The following ADAMTSL1 variants were observed in gnomAD, a reference collection of about 807,000 sequenced individuals.
ADAMTSL1 encodes the protein ADAMTS-like protein 1.
ADAMTSL1 carries 126 observed loss-of-function variants against 201.8 expected under a neutral mutation model. The ratio of observed to expected loss-of-function variants is 0.62; its 90% CI spans 0.54 to 0.72. ADAMTSL1 has a LOEUF of 0.72. Among genes scored for constraint, ADAMTSL1 ranks in the 30% least tolerant of loss-of-function variants. The pLI is 0.00. For missense variants in ADAMTSL1, 2,679 were observed against 2,277.8 expected (o/e 1.18, Z -3.59); for synonymous variants, 1,121 against 903.4 (o/e 1.24, Z -4.32).
intron 23 of ADAMTSL1, among the ~76,000 whole-genome samples, chr9:18,884,626 T>A (rs1473396633): frequency 6.6e-6 from 1 of 152,198 alleles, no homozygotes; most frequent in Non-Finnish European, 1.5e-5. Flanking sequence ...TGGATATCCA[T>A]TTTCCCAGAA....
intron 2 of ADAMTSL1, among the ~76,000 whole-genome samples, chr9:18,314,998 G>A (rs1050462475): frequency 2.7e-5 from 4 of 150,064 alleles, no homozygotes; most frequent in Non-Finnish European, 4.5e-5. Context: ...GGGTTTCACC[G>A]TGTTAGCCAG....
chr9:18,340,624 G>A (rs758647620), intron 2 of ADAMTSL1, among the ~76,000 whole-genome samples: 2 of 152,122 alleles, frequency 1.3e-5, no homozygotes, highest in Non-Finnish European at 2.9e-5. Flanking sequence ...GAGGGACCAG[G>A]TGGGAGGTAA....
intron 1 of ADAMTSL1, among the ~76,000 whole-genome samples, chr9:18,087,252 C>T (rs985607249): frequency 6.6e-6 from 1 of 152,040 alleles, no homozygotes; most frequent in African/African-American, 2.4e-5. Context: ...TTACTTGCAT[C>T]TCAAAGAGCC....
chr9:18,821,653 G>C (rs1403286015), intron 21 of ADAMTSL1, among the ~76,000 whole-genome samples: 1 of 152,184 alleles, frequency 6.6e-6, no homozygotes, highest in African/African-American at 2.4e-5. Flanking sequence ...CTTCTTTCCA[G>C]ACTGCCTTGG....
At chr9:18,052,518 G>A (rs772205254) in intron 1 of ADAMTSL1, among the ~76,000 whole-genome samples, 20 of 152,136 alleles carry the variant, frequency 1.3e-4, no homozygotes, top group Non-Finnish European at 2.5e-4. Context: ...AAGAGATTTG[G>A]GGCCAGAGAG....
At chr9:17,908,431 A>G (rs565219850) in intron 1 of ADAMTSL1, among the ~76,000 whole-genome samples, 1 of 151,938 alleles carries the variant, frequency 6.6e-6, no homozygotes, top group Admixed American at 6.5e-5. Context: ...TTAAAACCCA[A>G]TGTGCAAAAA....
At chr9:18,063,929 G>A (rs375359311) in intron 1 of ADAMTSL1, among the ~76,000 whole-genome samples, 59 of 152,070 alleles carry the variant, frequency 3.9e-4, no homozygotes, top group Middle Eastern at 6.8e-3. Context: ...TCCAATTTCC[G>A]TGCCGGTTTA....
intron 1 of ADAMTSL1, among the ~76,000 whole-genome samples, chr9:17,989,413 T>C (rs952490305): frequency 1.3e-5 from 2 of 151,988 alleles, no homozygotes; most frequent in African/African-American, 4.8e-5. Flanking sequence ...CATAATTTAA[T>C]TAATCAATAT....
In ADAMTSL1 at chr9:18,050,299, C is replaced by G. The variant is rs1380810126; in HGVS notation, c.88-113563C>G. 2.6e-5 allele frequency among the ~76,000 whole-genome samples: 4 copies of G among 151,958 alleles called. No individual in the cohort carries two copies. In the South Asian group the frequency reaches 6.2e-4, roughly 24 times the overall value. On this transcript the variant is annotated intron_variant, in intron 1 of 29. Coordinates refer to the ADAMTSL1 transcript ENST00000680146. ...TTAAATTTTCTGATAAATGGGTATT[C>G]CTTTCTAAAAGTAAATAGAGACTAA...
chr9:18,416,928 A>G (rs528592877), intron 2 of ADAMTSL1, among the ~76,000 whole-genome samples: 13 of 152,160 alleles, frequency 8.5e-5, no homozygotes, highest in African/African-American at 2.9e-4. Flanking sequence ...CATTTATAGG[A>G]CACTCTGGAC....
chr9:18,473,877 A>T, upstream of ADAMTSL1: 1 of 313,018 alleles, frequency 3.2e-6, no homozygotes, highest in South Asian at 5.4e-5. Context: ...ATCTTTTGCA[A>T]TTCTGCATCT....
intron 2 of ADAMTSL1, among the ~76,000 whole-genome samples, chr9:18,467,005 C>T (rs1453704486): frequency 6.6e-6 from 1 of 152,156 alleles, no homozygotes; most frequent in African/African-American, 2.4e-5. Flanking sequence ...TTTTTCTCTA[C>T]TGTCATCTCT....
chr9:17,911,120 T>C lies in ADAMTSL1; in HGVS notation c.87+4198T>C, dbSNP rs1269874510. On this transcript the variant is annotated intron_variant, in intron 1 of 29. Coordinates refer to the ADAMTSL1 transcript ENST00000680146. ...AATTATTTGGAAATCTAAAGATTTCTTTCTTCTCACTGAATTTCTGCTTTC... is the reference window on the plus strand; with the variant it reads ...AATTATTTGGAAATCTAAAGATTTCCTTCTTCTCACTGAATTTCTGCTTTC... Among the ~76,000 whole-genome samples, 2 of 69,166 alleles carry C rather than the reference T, an allele frequency of 2.9e-5. 1 individual carries two copies. Among genetic ancestry groups the C allele is most frequent in the Non-Finnish European group, 8.9e-5 (2 of 22,554 alleles). 45.4% of individuals were successfully genotyped at this position (69,166 alleles called of 152,430 possible).
At chr9:18,143,842 T>C (rs1163006365) in intron 1 of ADAMTSL1, among the ~76,000 whole-genome samples, 2 of 152,194 alleles carry the variant, frequency 1.3e-5, no homozygotes, top group Admixed American at 1.3e-4. Flanking sequence ...CAAAGCCACA[T>C]TTCCTTCACA....
At chr9:18,038,191 A>T (rs1821284842) in intron 1 of ADAMTSL1, among the ~76,000 whole-genome samples, 1 of 152,140 alleles carries the variant, frequency 6.6e-6, no homozygotes, top group Non-Finnish European at 1.5e-5. Flanking sequence ...CCATCTGCTC[A>T]TGAGACTTGC....
intron 2 of ADAMTSL1, among the ~76,000 whole-genome samples, chr9:18,329,118 G>A (rs1834936688): frequency 6.6e-6 from 1 of 151,976 alleles, no homozygotes; most frequent in Non-Finnish European, 1.5e-5. Context: ...CTCATGAATG[G>A]GATTAGTGCC....
At chr9:18,736,284 G>A (rs1378346982) in intron 15 of ADAMTSL1, among the ~76,000 whole-genome samples, 1 of 152,178 alleles carries the variant, frequency 6.6e-6, no homozygotes, top group Non-Finnish European at 1.5e-5. Flanking sequence ...GTTCGCAAGT[G>A]AGGGGAGACA....
At chr9:18,230,404 T>C (rs1345320054) in intron 2 of ADAMTSL1, among the ~76,000 whole-genome samples, 3 of 151,944 alleles carry the variant, frequency 2.0e-5, no homozygotes, top group Admixed American at 1.3e-4. Context: ...AGGGGAAGTG[T>C]CCCCTGGGCT....
chr9:18,388,224 T>TA (rs1457160247), intron 2 of ADAMTSL1, among the ~76,000 whole-genome samples: 2 of 152,008 alleles, frequency 1.3e-5, no homozygotes, highest in African/African-American at 4.8e-5. Flanking sequence ...TAGTCTTTTA[T>TA]ACTTCTTATT....
Sources: allele counts gnomAD v4.1 joint callset (sites outside exome capture counted in the v4.1 genomes callset), GRCh38; gene constraint gnomAD v4.1.1; transcripts MANE v1.5; gene names NCBI Gene and HGNC (gene_info 2026-07-23, HGNC 2026-07-21).